The following ANKHD1 variants were observed in gnomAD, a reference collection of about 807,000 sequenced individuals.
ANKHD1 encodes the protein ankyrin repeat and KH domain-containing protein 1.
In ANKHD1, 31 loss-of-function variants were observed where a neutral mutation model predicts 230.5. The ratio of observed to expected loss-of-function variants is 0.13; its 90% CI spans 0.10 to 0.18. The LOEUF is 0.18. Ranked by LOEUF, ANKHD1 falls within the 10% of genes least tolerant of loss-of-function variation. The probability of loss-of-function intolerance (pLI) is 1.00; values close to 1 mark genes in which losing one functional copy is unlikely to be tolerated. For synonymous variants in ANKHD1, 1,074 were observed against 1,117.6 expected, an observed-to-expected ratio of 0.96 and a Z score of 0.78; for missense variants, 2,256 against 3,071.3, an observed-to-expected ratio of 0.73 and a Z score of 6.27.
intron 10 of ANKHD1, among the ~76,000 whole-genome samples, chr5:140,470,749 A>C (rs1164089195): frequency 6.6e-6 from 1 of 151,378 alleles, no homozygotes; most frequent in East Asian, 1.9e-4. Flanking sequence ...CAGCCTCCTG[A>C]GTAGTTGGAA....
intron 1 of ANKHD1, among the ~76,000 whole-genome samples, chr5:140,429,313 C>T (rs554410619): frequency 9.9e-5 from 15 of 151,282 alleles, no homozygotes; most frequent in African/African-American, 3.6e-4. Flanking sequence ...AGGCTGGTCT[C>T]GATTTCCTGA....
intron 1 of ANKHD1, among the ~76,000 whole-genome samples, chr5:140,427,542 C>G (rs1233759367): frequency 7.8e-6 from 1 of 128,810 alleles, no homozygotes; most frequent in Non-Finnish European, 1.7e-5. Context: ...GCTGGCCGGG[C>G]GGGGGGCTGA....
At position 140,529,058 on chromosome 5, in the gene ANKHD1, A is replaced by C. The variant is rs1268955616; in HGVS notation, c.6112A>C (p.Met2038Leu). The C allele has an allele frequency of 6.2e-6, 10 of 1,613,950 alleles. No individual in the cohort carries two copies. The highest frequency in any genetic ancestry group is 1.6e-4 in the Middle Eastern group (1 of 6,084). ...KEKVSTQDQPMANLCTPSSTA... is the reference protein window; with the variant it reads ...KEKVSTQDQPLANLCTPSSTA... ...GAAAGTGTCCACACAGGACCAGCCC[A>C]TGGCAAACCTATGTACCCCATCTTC... Residue 2038 changes from methionine to leucine, a missense_variant, in exon 29 of 34, where the codon ATG becomes CTG. Met to Leu is a conservative substitution (Grantham distance 15). This residue lies in a region of ANKHD1 where 778 missense variants were observed against 966.5 expected (regional missense o/e 0.80). Transcript: ENST00000360839.
intron 10 of ANKHD1, among the ~76,000 whole-genome samples, chr5:140,477,623 T>C (rs764897581): frequency 6.6e-6 from 1 of 152,174 alleles, no homozygotes; most frequent in Non-Finnish European, 1.5e-5. Flanking sequence ...ACTTTTTCTT[T>C]TTGTTTTGAG....
intron 1 of ANKHD1, among the ~76,000 whole-genome samples, chr5:140,415,384 GA>G (rs1423433493): frequency 1.7e-4 from 21 of 121,820 alleles, no homozygotes; most frequent in African/African-American, 1.8e-4. Flanking sequence ...TTCGTCTTAA[GA>G]AAAAAAAAAA....
At chr5:140,435,045 A>G (rs1773331386) in intron 1 of ANKHD1, among the ~76,000 whole-genome samples, 1 of 152,226 alleles carries the variant, frequency 6.6e-6, no homozygotes, top group Admixed American at 6.5e-5. Flanking sequence ...TATACCATTC[A>G]TTCATTTCAA....
chr5:140,446,567 G>A (rs1469495912), intron 6 of ANKHD1, among the ~76,000 whole-genome samples: 2 of 151,964 alleles, frequency 1.3e-5, no homozygotes, highest in South Asian at 2.1e-4. Flanking sequence ...CACTATGTTG[G>A]CCAGGCTGGT....
rs564182914 is a variant in ANKHD1 at position 140,501,405 on chromosome 5, A to G, written c.3005-3416A>G. On this transcript the variant is annotated intron_variant, in intron 15 of 33. Transcript: ENST00000360839. ...GGTTTTTATTTACATAGAACTATTT[A>G]ATAAAGTTACCAATACATAAAACAG... 2.6e-4 allele frequency among the ~76,000 whole-genome samples: 39 copies of G among 152,198 alleles called. 1 individual carries two copies. In the East Asian group the frequency reaches 7.0e-3, roughly 27 times the overall value.
chr5:140,536,206 G>A (rs982875002), intron 30 of ANKHD1, among the ~76,000 whole-genome samples: 2 of 152,148 alleles, frequency 1.3e-5, no homozygotes, highest in Non-Finnish European at 2.9e-5. Flanking sequence ...CGATTCTCCT[G>A]CCTCAGCCTT....
intron 24 of ANKHD1, among the ~76,000 whole-genome samples, chr5:140,522,545 T>TTTTC (rs777177863): frequency 6.6e-5 from 10 of 152,148 alleles, no homozygotes; most frequent in Non-Finnish European, 1.0e-4. Context: ...CAACAAAATA[T>TTTTC]TTTCATGTTA....
At chr5:140,440,411 T>C in intron 4 of ANKHD1, 145 bp downstream of exon 4, 1 of 1,239,246 alleles carries the variant, frequency 8.1e-7, no homozygotes, top group Non-Finnish European at 1.0e-6. Flanking sequence ...GTGGGTAAAG[T>C]AGAAACAGAT....
chr5:140,464,727 A>G lies in ANKHD1; in HGVS notation c.1733A>G (p.Asn578Ser). 6 of 1,609,214 alleles carry G rather than the reference A, an allele frequency of 3.7e-6. No individual in the cohort carries two copies. The highest frequency in any genetic ancestry group is 5.1e-6 in the Non-Finnish European group (6 of 1,176,304). Residue 578 changes from asparagine (N) to serine (S), a missense_variant, in exon 10 of 34, where the codon AAT (asparagine) becomes AGT (serine). Coordinates refer to ENST00000360839, the MANE Select transcript of ANKHD1 (RefSeq NM_017747.3). ...GDTALTYACE[N>S]GHTDVADVLL... is the part of the protein sequence containing the mutation. ...ACAGCCTTAACCTATGCTTGTGAAAATGGACATACGGATGTTGCAGATGTT... is the reference window on the plus strand; with the variant it reads ...ACAGCCTTAACCTATGCTTGTGAAAGTGGACATACGGATGTTGCAGATGTT...
intron 8 of ANKHD1, 102 bp from the exon 9 acceptor site, chr5:140,459,062 A>T: frequency 9.2e-7 from 1 of 1,085,622 alleles, no homozygotes; most frequent in East Asian, 3.7e-5. Flanking sequence ...GGAGGAAACC[A>T]CAGAAGCAGA....
chr5:140,431,256 T>A (rs1216792691), intron 1 of ANKHD1, among the ~76,000 whole-genome samples: 1 of 152,218 alleles, frequency 6.6e-6, no homozygotes, highest in Non-Finnish European at 1.5e-5. Flanking sequence ...TAACTCATTC[T>A]GGGTTTTTTT....
Position 140,503,553 on chromosome 5 carries a change from C to CTTTTTTTTTTTTTTTTTTT in ANKHD1, c.3005-1254_3005-1236dup, listed in dbSNP as rs70988767. 9.7e-5 allele frequency among the ~76,000 whole-genome samples: 5 copies of CTTTTTTTTTTTTTTTTTTT among 51,418 alleles called. 1 individual carries two copies. Among genetic ancestry groups the CTTTTTTTTTTTTTTTTTTT allele is most frequent in the Non-Finnish European group, 1.3e-4 (4 of 30,512 alleles). The allele number at this position is 51,418 out of a possible 152,430, so 33.7% of individuals were successfully genotyped here. ...AATTTCTTTTAACTCAGTTTTCTTTCTTTTTTTTTTTTTTTTTTTTTTTTT... is the reference window on the plus strand; with the variant it reads ...AATTTCTTTTAACTCAGTTTTCTTTCTTTTTTTTTTTTTTTTTTTTTTTTTTTTTTTTTTTTTTTTTTTT... On this transcript the variant is annotated intron_variant, in intron 15 of 33. Coordinates refer to ENST00000360839, the MANE Select transcript of ANKHD1 (RefSeq NM_017747.3).
At position 140,537,492 on chromosome 5, in the gene ANKHD1, G is replaced by A; in HGVS notation, c.7131G>A (p.Arg2377=). The change falls in exon 31 of 34, where the codon CGG becomes CGA. Residue 2377 remains arginine, a synonymous_variant. Coordinates refer to ENST00000360839, the MANE Select transcript of ANKHD1 (RefSeq NM_017747.3). The part of the protein sequence containing the change: ...PIGTERLARI[R]QGGSVAQAPA... ...GAACAGAGAGACTGGCCCGAATTCG[G>A]CAAGGAGGGTCTGTTGCACAAGCCC... The A allele has an allele frequency of 6.2e-7, 1 of 1,614,104 alleles. No individual in the cohort carries two copies. Among genetic ancestry groups the A allele is most frequent in the South Asian group, 1.1e-5 (1 of 91,080 alleles).
At chr5:140,489,877 A>G (rs1334512776) in intron 14 of ANKHD1, among the ~76,000 whole-genome samples, 1 of 152,222 alleles carries the variant, frequency 6.6e-6, no homozygotes, top group African/African-American at 2.4e-5. Flanking sequence ...GTAGGATCAA[A>G]CTGCGATAGT....
chr5:140,536,138 G>T (rs974205816), intron 30 of ANKHD1, among the ~76,000 whole-genome samples: 5 of 152,112 alleles, frequency 3.3e-5, no homozygotes, highest in African/African-American at 1.2e-4. Flanking sequence ...CTGTTGCCCT[G>T]GCTGGAGTGC....
chr5:140,535,224 A>C, intron 29 of ANKHD1, 138 bp from the exon 30 acceptor site: 1 of 1,342,392 alleles, frequency 7.4e-7, no homozygotes, highest in South Asian at 1.6e-5. Flanking sequence ...GCTGTGGTCT[A>C]TGAAAATGAG....
Sources: gnomAD v4.1 joint callset for allele counts (sites outside exome capture counted in the v4.1 genomes callset) on GRCh38, gnomAD v4.1.1 for gene constraint, gnomAD v4.1.1 regional missense constraint, MANE v1.5 for transcripts, NCBI Gene and HGNC (gene_info 2026-07-23, HGNC 2026-07-21) for gene names.